The following AGBL1 variants were observed in gnomAD, a reference collection of about 807,000 sequenced individuals.
AGBL1 encodes the protein cytosolic carboxypeptidase 4.
A neutral mutation model predicts 118.9 loss-of-function variants in AGBL1; 130 were observed. The observed-to-expected ratio is 1.09, with a 90% CI of 0.95 to 1.26. The LOEUF is 1.26. Ranked by LOEUF, AGBL1 falls within the 50% of genes most tolerant of loss-of-function variation. AGBL1 has a pLI of 0.00. For synonymous variants in AGBL1, 555 were observed against 478.9 expected, an observed-to-expected ratio of 1.16 and a Z score of -2.08; for missense variants, 1,584 against 1,298.1, an observed-to-expected ratio of 1.22 and a Z score of -3.38.
intron 23 of AGBL1, among the ~76,000 whole-genome samples, chr15:86,926,400 A>G (rs1465136996): frequency 6.6e-6 from 1 of 152,228 alleles, no homozygotes; most frequent in Non-Finnish European, 1.5e-5. Context: ...GCCAGTCACA[A>G]TGACTTTCCA....
At chr15:86,106,190 T>G (rs1037433142) in intron 1 of AGBL1, among the ~76,000 whole-genome samples, 1 of 152,210 alleles carries the variant, frequency 6.6e-6, no homozygotes, top group Admixed American at 6.5e-5. Context: ...GATAACAGGG[T>G]AGTAAATGTG....
intron 18 of AGBL1, among the ~76,000 whole-genome samples, chr15:86,453,683 A>G (rs1392675660): frequency 2.0e-5 from 3 of 152,186 alleles, no homozygotes; most frequent in African/African-American, 7.2e-5. Flanking sequence ...CCTGACCCTA[A>G]AATAACTGAT....
rs1028241160 is a variant in AGBL1, at chr15:87,002,356, T to G, written c.3323+14268T>G. On this transcript the variant is annotated intron_variant, in intron 24 of 24. Coordinates refer to the AGBL1 transcript ENST00000441037. ...TTCTATATCTCTGTTTTGGTACCAG[T>G]ACCATGCTGTTTTGGTTACTGTAGC... Among the ~76,000 whole-genome samples, 35 of 152,124 alleles carry G rather than the reference T, an allele frequency of 2.3e-4. 1 individual carries two copies. The highest frequency in any genetic ancestry group is 6.2e-4 in the South Asian group (3 of 4,820).
chr15:86,975,430 A>G lies in AGBL1; in HGVS notation c.3222-12557A>G, dbSNP rs181162727. Among the ~76,000 whole-genome samples, 1,102 of 152,146 alleles carry G rather than the reference A, an allele frequency of 7.2e-3. 44 individuals carry two copies. Among genetic ancestry groups the G allele is most frequent in the Admixed American group, 0.059 (900 of 15,274 alleles). ...GAGAAAGACCCATCCCCATGATTCA[A>G]TTACCTCCCACAGGGCCCCTCCCAC... On this transcript the variant is annotated intron_variant, in intron 23 of 24. Coordinates refer to the AGBL1 transcript ENST00000441037.
chr15:86,519,823 G>A (rs60485677), intron 18 of AGBL1, among the ~76,000 whole-genome samples: 1 of 152,080 alleles, frequency 6.6e-6, no homozygotes. Context: ...GCTTTCTTAA[G>A]TTCTGTATGT....
At chr15:86,630,685 C>A (rs1330393456) in intron 21 of AGBL1, 1 of 152,236 alleles carries the variant, frequency 6.6e-6, no homozygotes, top group Non-Finnish European at 1.5e-5. Flanking sequence ...CTTCTGTCTT[C>A]TGTGACAAGA....
chr15:86,109,396 G>A (rs1024505711), intron 1 of AGBL1, among the ~76,000 whole-genome samples: 3 of 152,030 alleles, frequency 2.0e-5, no homozygotes, highest in Admixed American at 2.0e-4. Context: ...AAAATAATGT[G>A]TTTTAAAATT....
At chr15:86,249,243 C>A (rs1354278997) in intron 7 of AGBL1, among the ~76,000 whole-genome samples, 1 of 152,150 alleles carries the variant, frequency 6.6e-6, no homozygotes, top group Non-Finnish European at 1.5e-5. Context: ...CTGGATTAGG[C>A]CACCTCTGGA....
At chr15:86,692,057 G>C (rs1029121563) in intron 22 of AGBL1, among the ~76,000 whole-genome samples, 8 of 151,992 alleles carry the variant, frequency 5.3e-5, no homozygotes, top group African/African-American at 1.9e-4. Flanking sequence ...ACTGCTGGAT[G>C]AGGTAAGGGT....
At chr15:86,661,755 G>A (rs1053357711) in intron 21 of AGBL1, among the ~76,000 whole-genome samples, 29 of 152,062 alleles carry the variant, frequency 1.9e-4, no homozygotes, top group Admixed American at 4.6e-4. Context: ...TGCTAAGCAC[G>A]GTGACCATGC....
intron 22 of AGBL1, among the ~76,000 whole-genome samples, chr15:86,880,789 GCA>G (rs761275078): frequency 1.3e-5 from 2 of 151,978 alleles, no homozygotes; most frequent in Non-Finnish European, 2.9e-5. Context: ...GTGTGTGTGT[GCA>G]CGTGTGTGTG....
intron 22 of AGBL1, among the ~76,000 whole-genome samples, chr15:86,744,076 A>T (rs974269972): frequency 6.6e-6 from 1 of 152,102 alleles, no homozygotes; most frequent in African/African-American, 2.4e-5. Context: ...ACCCTTCCAA[A>T]TGTTAGCTGA....
intron 22 of AGBL1, among the ~76,000 whole-genome samples, chr15:86,764,627 T>C (rs1315600780): frequency 6.6e-6 from 1 of 152,102 alleles, no homozygotes; most frequent in African/African-American, 2.4e-5. Flanking sequence ...GTTTATGATC[T>C]ACAAGAATAT....
At chr15:86,445,380 C>T (rs953783427) in intron 18 of AGBL1, among the ~76,000 whole-genome samples, 1 of 152,244 alleles carries the variant, frequency 6.6e-6, no homozygotes, top group Admixed American at 6.5e-5. Context: ...AACCCTTTTG[C>T]TTCAGCCAAA....
At position 86,710,056 on chromosome 15, in the gene AGBL1, C is replaced by T. The variant is rs772045110; in HGVS notation, c.3158+35620C>T. ...AATGCTAGTCTGGCTTTGAATGGGG[C>T]GAGGAGCAGATAATTTGGAGGGGAT... On this transcript the variant is annotated intron_variant, in intron 22 of 22. Transcript: ENST00000614907. Among the ~76,000 whole-genome samples, 46 of 152,106 alleles carry T rather than the reference C, an allele frequency of 3.0e-4. 1 individual carries two copies. The highest frequency in any genetic ancestry group is 8.7e-4 in the African/African-American group (36 of 41,498).
At position 87,003,657 on chromosome 15, in the gene AGBL1, C is replaced by G. The variant is rs566473716; in HGVS notation, c.3323+15569C>G. Among the ~76,000 whole-genome samples the G allele has an allele frequency of 7.9e-5, 12 of 152,098 alleles. No individual in the cohort carries two copies. The South Asian group carries it at 2.5e-3, about 32-fold the overall frequency. On this transcript the variant is annotated intron_variant, in intron 24 of 24. Transcript: ENST00000441037. ...TTAATTATTGACTCAATTTCAGTGC[C>G]TGTTATTGGTCTATTCAGAGATTCA...
chr15:86,201,223 A>G (rs1335221360), intron 5 of AGBL1, among the ~76,000 whole-genome samples: 1 of 152,220 alleles, frequency 6.6e-6, no homozygotes, highest in Admixed American at 6.5e-5. Flanking sequence ...TCTATAGATC[A>G]ATCAAGACCT....
At chr15:86,647,005 T>C (rs2085290198) in intron 21 of AGBL1, among the ~76,000 whole-genome samples, 1 of 152,210 alleles carries the variant, frequency 6.6e-6, no homozygotes, top group South Asian at 2.1e-4. Flanking sequence ...CACATTGTTT[T>C]GTTGTCTTCT....
chr15:86,130,038 T>C (rs926572789), intron 1 of AGBL1, among the ~76,000 whole-genome samples: 9 of 152,116 alleles, frequency 5.9e-5, no homozygotes, highest in African/African-American at 2.2e-4. Context: ...CATGGTGCCG[T>C]CTTAAGTTAA....
Sources: gnomAD v4.1 joint callset for allele counts (sites outside exome capture counted in the v4.1 genomes callset) on GRCh38, gnomAD v4.1.1 for gene constraint, MANE v1.5 for transcripts, NCBI Gene and HGNC (gene_info 2026-07-23, HGNC 2026-07-21) for gene names.